The following KLHL5 variants were observed in gnomAD, a reference collection of about 807,000 sequenced individuals.
The protein encoded by KLHL5 is kelch-like protein 5.
A neutral mutation model predicts 77.7 loss-of-function variants in KLHL5; 48 were observed. The ratio of observed to expected loss-of-function variants is 0.62; its 90% CI spans 0.49 to 0.79. The LOEUF is 0.79. Among genes scored for constraint, KLHL5 ranks in the 30% least tolerant of loss-of-function variants. The probability of loss-of-function intolerance (pLI) is 0.00; values close to 1 mark genes in which losing one functional copy is unlikely to be tolerated. For missense variants in KLHL5, 723 were observed against 859.7 expected (o/e 0.84, Z 1.99); for synonymous variants, 260 against 297.0 (o/e 0.88, Z 1.28).
downstream of KLHL5, among the ~76,000 whole-genome samples, chr4:39,127,765 GGC>G (rs1723616501): frequency 6.6e-6 from 1 of 152,182 alleles, no homozygotes; most frequent in African/African-American, 2.4e-5. Flanking sequence ...ACACCGACCT[GGC>G]GCAAATTTTG....
upstream of KLHL5, among the ~76,000 whole-genome samples, chr4:39,061,442 A>G (rs1717407399): frequency 6.6e-6 from 1 of 152,152 alleles, no homozygotes; most frequent in South Asian, 2.1e-4. Context: ...CTTATCAAAT[A>G]TTTTGTATTT....
At chr4:39,096,128 A>G (rs1459347510) in intron 5 of KLHL5, among the ~76,000 whole-genome samples, 2 of 152,096 alleles carry the variant, frequency 1.3e-5, no homozygotes, top group Non-Finnish European at 2.9e-5. Flanking sequence ...TGCTAAACAT[A>G]TAAAAATTGT....
At chr4:39,069,455 TATATATATATATATATATACACACACAC>T (rs1415747217) in intron 1 of KLHL5, among the ~76,000 whole-genome samples, 1 of 36,446 alleles carries the variant, frequency 2.7e-5, no homozygotes, top group Admixed American at 3.3e-4. Context: ...TATATATATA[TATATATATATATATATATACACACACAC>T]ACACACACAC....
At chr4:39,069,461 TATATATATATATACAC>T (rs1447507208) in intron 1 of KLHL5, among the ~76,000 whole-genome samples, 5 of 52,486 alleles carry the variant, frequency 9.5e-5, no homozygotes, top group Admixed American at 2.1e-4. Context: ...TATATATATA[TATATATATATATACAC>T]ACACACACAC....
At chr4:39,080,801 CTT>C (rs1389142412) in intron 2 of KLHL5, among the ~76,000 whole-genome samples, 1 of 151,926 alleles carries the variant, frequency 6.6e-6, no homozygotes, top group Non-Finnish European at 1.5e-5. Flanking sequence ...TAAACAATAA[CTT>C]TTAAATTTTT....
intron 1 of KLHL5, among the ~76,000 whole-genome samples, chr4:39,055,623 T>C (rs1376736587): frequency 1.3e-5 from 2 of 152,224 alleles, no homozygotes; most frequent in Non-Finnish European, 2.9e-5. Context: ...TTTATGATTA[T>C]TGACTTTTTT....
intron 4 of KLHL5, among the ~76,000 whole-genome samples, chr4:39,083,110 G>A (rs192654118): frequency 8.5e-5 from 13 of 152,218 alleles, no homozygotes; most frequent in East Asian, 3.9e-4. Context: ...CTCCTCCGTC[G>A]TTCCACTGAG....
chr4:39,136,716 A>G, the KLHL5 span, among the ~76,000 whole-genome samples: 1 of 152,206 alleles, frequency 6.6e-6, no homozygotes, highest in East Asian at 1.9e-4. Context: ...TCCACACCTG[A>G]GAACAGCCCA....
rs534917791 is a variant in KLHL5, at chr4:39,081,348, A to G, written c.703+109A>G. The G allele has an allele frequency of 2.3e-6, 2 of 870,880 alleles. No homozygotes were observed. Among genetic ancestry groups the G allele is most frequent in the East Asian group, 5.6e-5 (2 of 35,420 alleles). 53.9% of individuals were successfully genotyped at this position (870,880 alleles called of 1,614,324 possible). A position where few individuals can be genotyped will look rare whatever the true frequency, so the allele number is the denominator to read the frequency against. On this transcript the variant is annotated intron_variant, in intron 3 of 10. Transcript: ENST00000504108. This position sits in a 1 kb window ranked among gnomAD's most constrained non-coding sequence, Gnocchi z 4.3. ...GCCATAGCTAACAGTTAGTTCTGCT[A>G]TTGTCATTACTACCCTTTGTATTTA...
At chr4:39,097,435 A>C (rs914521590) in intron 6 of KLHL5, among the ~76,000 whole-genome samples, 16 of 152,346 alleles carry the variant, frequency 1.1e-4, no homozygotes, top group African/African-American at 3.4e-4. Flanking sequence ...TATTTACAGT[A>C]GAAAAACCTG....
chr4:39,066,637 A>G (rs1474429292), intron 1 of KLHL5, among the ~76,000 whole-genome samples: 4 of 152,176 alleles, frequency 2.6e-5, no homozygotes, highest in African/African-American at 4.8e-5. Context: ...CGCATTTTCT[A>G]TTTTTGATGG....
At chr4:39,086,241 T>C (rs902047511) in intron 4 of KLHL5, among the ~76,000 whole-genome samples, 1 of 152,244 alleles carries the variant, frequency 6.6e-6, no homozygotes, top group Non-Finnish European at 1.5e-5. Flanking sequence ...TTTCCTAACT[T>C]GAGTGAAGTA....
rs147818293 is a variant in KLHL5 at position 39,112,502 on chromosome 4, C to T, written c.1689-518C>T. 3.5e-3 allele frequency among the ~76,000 whole-genome samples: 530 copies of T among 152,312 alleles called. 3 individuals carry two copies. Among genetic ancestry groups the T allele is most frequent in the African/African-American group, 0.012 (505 of 41,570 alleles). On this transcript the variant is annotated intron_variant, in intron 8 of 10. Coordinates refer to ENST00000504108, the MANE Select transcript of KLHL5 (RefSeq NM_015990.5). ...TGACCCTGTGCAAGTCTCTTACTCT[C>T]TGTGAACCCTTGTTTCTTTACACTG...
chr4:39,130,325 C>T (rs1419773927), downstream of KLHL5, among the ~76,000 whole-genome samples: 1 of 152,198 alleles, frequency 6.6e-6, no homozygotes, highest in African/African-American at 2.4e-5. Context: ...GGAGCAAGTT[C>T]TTAAGGCACA....
chr4:39,138,445 C>T, the KLHL5 span, among the ~76,000 whole-genome samples: 8 of 152,122 alleles, frequency 5.3e-5, no homozygotes, highest in South Asian at 1.7e-3. Flanking sequence ...AGACCATGTC[C>T]TTTGCAGGGA....
chr4:39,066,045 T>C (rs1004711143), intron 1 of KLHL5, among the ~76,000 whole-genome samples: 35 of 152,250 alleles, frequency 2.3e-4, no homozygotes, highest in African/African-American at 8.4e-4. Context: ...TTCTGGTAAT[T>C]TCTACTGCCA....
chr4:39,089,773 C>G (rs142570254), intron 5 of KLHL5, among the ~76,000 whole-genome samples: 1 of 152,190 alleles, frequency 6.6e-6, no homozygotes, highest in Non-Finnish European at 1.5e-5. Context: ...CCCACACCTA[C>G]TGAATATGAA....
chr4:39,121,314 A>G lies in KLHL5; in HGVS notation c.*248A>G. On this transcript the variant is annotated 3_prime_UTR_variant, in exon 11 of 11. Coordinates refer to ENST00000504108, the MANE Select transcript of KLHL5 (RefSeq NM_015990.5). ...GTGATCACACATTCCCGAAGTAATA[A>G]GTGAGGACGAATGCACTGCTCTGGA... 1 of 519,590 alleles carries G rather than the reference A, an allele frequency of 1.9e-6. No homozygotes were observed. Among genetic ancestry groups the G allele is most frequent in the South Asian group, 2.2e-5 (1 of 44,798 alleles). The allele number at this position is 519,590 out of a possible 1,614,324, so 32.2% of individuals were successfully genotyped here.
chr4:39,113,426 C>G (rs367579939), intron 9 of KLHL5, among the ~76,000 whole-genome samples, 194 bp downstream of exon 9: 1 of 152,138 alleles, frequency 6.6e-6, no homozygotes, highest in East Asian at 1.9e-4. Context: ...ATTGAGCATG[C>G]ACTACATGCA....
Sources: allele counts gnomAD v4.1 joint callset (sites outside exome capture counted in the v4.1 genomes callset), GRCh38; gene constraint gnomAD v4.1.1; non-coding constraint Gnocchi (gnomAD v3.1); transcripts MANE v1.5; gene names NCBI Gene and HGNC (gene_info 2026-07-23, HGNC 2026-07-21).